Variants in SPAG16 observed in about 807,000 individuals in gnomAD.
The protein encoded by SPAG16 is sperm associated antigen 16.
Under a neutral mutation model 80.4 loss-of-function variants are expected in SPAG16, and 86 were observed. The ratio of observed to expected loss-of-function variants is 1.07; its 90% CI spans 0.90 to 1.28. The LOEUF (loss-of-function observed/expected upper bound fraction) is 1.28. Among genes scored for constraint, SPAG16 ranks in the 50% most tolerant of loss-of-function variants. SPAG16 has a pLI of 0.00. For synonymous variants in SPAG16, 294 were observed against 265.9 expected (o/e 1.11, Z -1.03); for missense variants, 870 against 765.3 (o/e 1.14, Z -1.61).
intron 13 of SPAG16, among the ~76,000 whole-genome samples, chr2:214,062,667 CTTT>C (rs36069141): frequency 3.3e-5 from 4 of 122,778 alleles, no homozygotes; most frequent in Non-Finnish European, 3.3e-5. Flanking sequence ...ATAGCCTCCT[CTTT>C]TTTTTTTTTT....
At chr2:214,324,053 T>C (rs536347644) in intron 15 of SPAG16, among the ~76,000 whole-genome samples, 2 of 152,190 alleles carry the variant, frequency 1.3e-5, no homozygotes, top group South Asian at 4.1e-4. Flanking sequence ...CTTTAATTAA[T>C]GAATGCATGG....
chr2:213,376,905 G>C (rs2066907817), intron 9 of SPAG16, among the ~76,000 whole-genome samples: 1 of 152,142 alleles, frequency 6.6e-6, no homozygotes, highest in African/African-American at 2.4e-5. Flanking sequence ...GCATAGGACT[G>C]TATTTAAAGA....
At chr2:213,611,085 G>A (rs1463593138) in intron 10 of SPAG16, among the ~76,000 whole-genome samples, 1 of 152,128 alleles carries the variant, frequency 6.6e-6, no homozygotes, top group African/African-American at 2.4e-5. Flanking sequence ...TGGTTCGAAC[G>A]TCTCTGACAA....
At chr2:213,484,095 C>T (rs189247934) in intron 9 of SPAG16, among the ~76,000 whole-genome samples, 7 of 151,740 alleles carry the variant, frequency 4.6e-5, no homozygotes, top group Non-Finnish European at 1.0e-4. Context: ...ATGGCTTCAG[C>T]CTTATCTTAT....
intron 15 of SPAG16, among the ~76,000 whole-genome samples, chr2:214,373,523 G>T (rs1574435794): frequency 6.6e-6 from 1 of 152,274 alleles, no homozygotes; most frequent in East Asian, 1.9e-4. Context: ...TAAATAGGCT[G>T]TCCATGGCAG....
At chr2:214,027,859 C>G (rs1484519326) in intron 13 of SPAG16, among the ~76,000 whole-genome samples, 1 of 151,848 alleles carries the variant, frequency 6.6e-6, no homozygotes, top group Non-Finnish European at 1.5e-5. Context: ...TTTTGACATT[C>G]AAACTAGTTG....
rs140285600 is a variant in SPAG16, at chr2:213,586,055, A to G, written c.1070+95965A>G. Among the ~76,000 whole-genome samples the G allele has an allele frequency of 1.6e-3, 240 of 152,332 alleles. 3 individuals are homozygous for G. Among genetic ancestry groups the G allele is most frequent in the African/African-American group, 4.7e-3 (195 of 41,580 alleles). ...TCAGATTCCTATTTTTAGAGATTACATAAGAAAGAAGTAGTACATTCAACT... is the reference window on the plus strand; with the variant it reads ...TCAGATTCCTATTTTTAGAGATTACGTAAGAAAGAAGTAGTACATTCAACT... On this transcript the variant is annotated intron_variant, in intron 10 of 15. Transcript: ENST00000331683.
intron 9 of SPAG16, among the ~76,000 whole-genome samples, chr2:213,385,372 T>C (rs984694537): frequency 6.6e-6 from 1 of 152,188 alleles, no homozygotes; most frequent in Admixed American, 6.5e-5. Context: ...AGAAGAGTAC[T>C]CTCATATTGA....
At chr2:214,357,656 G>A (rs1190747977) in intron 15 of SPAG16, among the ~76,000 whole-genome samples, 2 of 151,540 alleles carry the variant, frequency 1.3e-5, no homozygotes, top group Non-Finnish European at 2.9e-5. Flanking sequence ...GCTTATTTTA[G>A]TATTGATAAT....
At position 213,950,617 on chromosome 2, in the gene SPAG16, G is replaced by C. The variant is rs2079704736; in HGVS notation, c.1400+20472G>C. On this transcript the variant is annotated intron_variant, in intron 12 of 15. Coordinates refer to ENST00000331683, the MANE Select transcript of SPAG16 (RefSeq NM_024532.5). ...TAGAACAGCCATAGTTTGTTTGCTTGCTTCCTTCCTTCCTTGCTTCCTCCC... is the reference window on the plus strand; with the variant it reads ...TAGAACAGCCATAGTTTGTTTGCTTCCTTCCTTCCTTCCTTGCTTCCTCCC... Among the ~76,000 whole-genome samples the C allele has an allele frequency of 2.6e-5, 4 of 150,990 alleles. 1 individual carries two copies. The highest frequency in any genetic ancestry group is 2.6e-4 in the Admixed American group (4 of 15,146).
chr2:214,129,308 A>G (rs2054646584), intron 14 of SPAG16, among the ~76,000 whole-genome samples: 1 of 152,136 alleles, frequency 6.6e-6, no homozygotes, highest in African/African-American at 2.4e-5. Flanking sequence ...TGGGATAGAA[A>G]TCGTCAAGGT....
intron 11 of SPAG16, among the ~76,000 whole-genome samples, chr2:213,869,794 A>T (rs1352168777): frequency 6.6e-6 from 1 of 152,156 alleles, no homozygotes; most frequent in East Asian, 1.9e-4. Context: ...TATTAATTTT[A>T]GCTTTATACA....
chr2:213,782,713 T>A (rs1394716618), intron 10 of SPAG16, among the ~76,000 whole-genome samples: 2 of 152,188 alleles, frequency 1.3e-5, no homozygotes, highest in Admixed American at 1.3e-4. Flanking sequence ...AATTCACTGA[T>A]AAAAGTATGA....
At chr2:214,409,394 ACTTC>A (rs1444738568) in intron 15 of SPAG16, among the ~76,000 whole-genome samples, 1 of 152,072 alleles carries the variant, frequency 6.6e-6, no homozygotes, top group African/African-American at 2.4e-5. Flanking sequence ...TTGTTACTGG[ACTTC>A]CTTAATAAAA....
At chr2:213,987,042 T>C (rs773693286) in intron 12 of SPAG16, among the ~76,000 whole-genome samples, 62 of 152,096 alleles carry the variant, frequency 4.1e-4, no homozygotes, top group Admixed American at 5.9e-4. Flanking sequence ...ATTTATACTT[T>C]ATGGGAATCC....
At chr2:213,492,351 C>A (rs769525144) in intron 10 of SPAG16, among the ~76,000 whole-genome samples, 3 of 151,956 alleles carry the variant, frequency 2.0e-5, no homozygotes, top group Non-Finnish European at 4.4e-5. Flanking sequence ...CAGATTGAGA[C>A]CATCCTGGCT....
At chr2:213,627,648 TA>T (rs1233872529) in intron 10 of SPAG16, among the ~76,000 whole-genome samples, 4 of 151,918 alleles carry the variant, frequency 2.6e-5, no homozygotes, top group African/African-American at 7.3e-5. Flanking sequence ...TTCTTGTGTC[TA>T]AAAAGAAAAG....
chr2:213,927,710 T>C (rs964935906), intron 11 of SPAG16, among the ~76,000 whole-genome samples: 1 of 152,120 alleles, frequency 6.6e-6, no homozygotes, highest in Non-Finnish European at 1.5e-5. Context: ...TGTGATTTGT[T>C]TTTTTTGCCT....
intron 15 of SPAG16, among the ~76,000 whole-genome samples, chr2:214,257,398 C>G (rs1433486535): frequency 6.6e-6 from 1 of 151,880 alleles, no homozygotes; most frequent in Admixed American, 6.6e-5. Flanking sequence ...CTCTTAAGAC[C>G]TCCAGTAAAA....
Sources: allele counts gnomAD v4.1 joint callset (sites outside exome capture counted in the v4.1 genomes callset), GRCh38; gene constraint gnomAD v4.1.1; transcripts MANE v1.5; gene names NCBI Gene and HGNC (gene_info 2026-07-23, HGNC 2026-07-21).